The following PSD4 variants were observed in gnomAD, a reference collection of about 807,000 sequenced individuals.
PSD4 encodes pleckstrin and Sec7 domain containing 4, also known as PH and SEC7 domain-containing protein 4.
In PSD4, 59 loss-of-function variants were observed where a neutral mutation model predicts 112.5. The observed-to-expected ratio is 0.52, with a 90% CI of 0.43 to 0.65. PSD4 has a LOEUF of 0.65. Ranked by LOEUF, PSD4 falls within the 30% of genes least tolerant of loss-of-function variation. PSD4 has a pLI of 0.00. For missense variants in PSD4, 1,267 were observed against 1,352.6 expected (o/e 0.94, Z 0.99); for synonymous variants, 533 against 540.0 (o/e 0.99, Z 0.18).
rs886607431 is a variant in PSD4 at position 113,178,750 on chromosome 2, C to T, written c.-111-3596C>T. Among the ~76,000 whole-genome samples the T allele has an allele frequency of 4.6e-5, 7 of 152,068 alleles. No homozygotes were observed. The East Asian group carries it at 1.3e-3, about 29-fold the overall frequency. ...GGGTTGGCGTTATCCTGGCAAAATG[C>T]TCTGGGGCTCATAGGGCCATGAGGC... is the stretch of plus-strand genomic sequence containing the variant. On this transcript the variant is annotated intron_variant, in intron 1 of 16. Coordinates refer to ENST00000245796, the MANE Select transcript of PSD4 (RefSeq NM_012455.3).
rs1688884025 is a variant in PSD4 at position 113,207,763 on chromosome 2, C to A, written c.*6348C>A. On this transcript the variant is annotated 3_prime_UTR_variant, in exon 17 of 17. Transcript: ENST00000245796. ...TAAGCCACCACGCCCCGGCCCTCTT[C>A]ATTTCTTTTTGCCTCTCTGCTTCCA... 1 of 151,878 alleles carries A rather than the reference C, an allele frequency of 6.6e-6. No individual in the cohort carries two copies. The highest frequency in any genetic ancestry group is 1.5e-5 in the Non-Finnish European group (1 of 68,004). 9.4% of individuals were successfully genotyped at this position (151,878 alleles called of 1,614,324 possible). A position where few individuals can be genotyped will look rare whatever the true frequency, so the allele number is the denominator to read the frequency against.
rs80062373 is a variant in PSD4, at chr2:113,181,862, C to T, written c.-111-484C>T. 2.6e-5 allele frequency among the ~76,000 whole-genome samples: 4 copies of T among 152,320 alleles called. No individual in the cohort carries two copies. The East Asian group carries it at 7.7e-4, about 29-fold the overall frequency. Reference sequence around the variant, plus strand: ...GTAAGGCAGGCTGTGGCCTTCATGTCGTGGGTGCCTGCTTCTTCCATGAGT... The same window carrying T: ...GTAAGGCAGGCTGTGGCCTTCATGTTGTGGGTGCCTGCTTCTTCCATGAGT... On this transcript the variant is annotated intron_variant, in intron 1 of 16. Coordinates refer to ENST00000245796, the MANE Select transcript of PSD4 (RefSeq NM_012455.3).
chr2:113,177,679 C>A (rs11691876), intron 1 of PSD4, among the ~76,000 whole-genome samples: 32,609 of 146,902 alleles, frequency 0.22, 3,840 homozygotes, highest in East Asian at 0.54. Context: ...CTAAAGTATG[C>A]CCCCAGACCT....
At chr2:113,178,226 T>A (rs1327049263) in intron 1 of PSD4, among the ~76,000 whole-genome samples, 2 of 151,680 alleles carry the variant, frequency 1.3e-5, no homozygotes, top group African/African-American at 2.4e-5. Context: ...TAAAAAAAAA[T>A]GTCGCAGCCA....
rs45574835 is a variant in PSD4, at chr2:113,193,310, A to G, written c.1972A>G (p.Ile658Val). The G allele has an allele frequency of 1.3e-3, 2,133 of 1,598,006 alleles. 28 individuals carry two copies. In the African/African-American group the frequency reaches 0.026, roughly 19 times the overall value. The change falls in exon 8 of 17, where the codon ATC becomes GTC. Residue 658 changes from isoleucine (I) to valine (V), a missense_variant. Physicochemically the swap from Ile to Val is conservative, Grantham distance 29. Transcript: ENST00000245796. ...LSGETQERERILYQFSRRFHH... is the reference protein window; with the variant it reads ...LSGETQERERVLYQFSRRFHH... ...TGGGGAGACTCAGGAACGGGAGCGAATCCTCTACCAGTTCTCCAGACGCTT... is the reference window on the plus strand; with the variant it reads ...TGGGGAGACTCAGGAACGGGAGCGAGTCCTCTACCAGTTCTCCAGACGCTT...
At chr2:113,176,446 G>T (rs1360053727) in intron 1 of PSD4, among the ~76,000 whole-genome samples, 4 of 152,184 alleles carry the variant, frequency 2.6e-5, no homozygotes, top group Admixed American at 6.5e-5. Context: ...CCGTGGTGAA[G>T]ATTCTCTGAA....
rs779091987 is a variant in PSD4, at chr2:113,196,124, C to T, written c.2226-23C>T. ...GTTCTCTTTGCATAGTCAGCACTTC[C>T]AGCCCGATTCTCTGATGTTCAGGGA... On this transcript the variant is annotated intron_variant, in intron 11 of 16. Coordinates refer to ENST00000245796, the MANE Select transcript of PSD4 (RefSeq NM_012455.3). 5 of 1,598,940 alleles carry T rather than the reference C, an allele frequency of 3.1e-6. No individual in the cohort carries two copies. The South Asian group carries it at 5.5e-5, about 18-fold the overall frequency.
chr2:113,196,493 G>C, intron 12 of PSD4, 186 bp downstream of exon 12: 1 of 718,346 alleles, frequency 1.4e-6, no homozygotes, highest in Non-Finnish European at 2.2e-6. Context: ...GGCACTAGAG[G>C]GTAGGTAGGA....
intron 16 of PSD4, among the ~76,000 whole-genome samples, chr2:113,200,637 ATGGG>A (rs1688749246): frequency 2.0e-5 from 3 of 152,162 alleles, no homozygotes; most frequent in African/African-American, 7.2e-5. Flanking sequence ...TGAGGATCCA[ATGGG>A]ATGGAGGGTG....
intron 14 of PSD4, 116 bp from the exon 15 acceptor site, chr2:113,198,624 G>T: frequency 9.5e-6 from 12 of 1,260,300 alleles, no homozygotes; most frequent in Admixed American, 2.7e-5. Flanking sequence ...CTGTAACTAT[G>T]GGAGGCTGAG....
At chr2:113,191,226 TG>T (rs1382594694) in intron 5 of PSD4, among the ~76,000 whole-genome samples, 1 of 152,168 alleles carries the variant, frequency 6.6e-6, no homozygotes, top group Non-Finnish European at 1.5e-5. Context: ...TGTTAGATAG[TG>T]AGGGTGTTTA....
chr2:113,196,447 G>A (rs1329804973), intron 12 of PSD4, 140 bp downstream of exon 12: 20 of 1,088,078 alleles, frequency 1.8e-5, no homozygotes, highest in South Asian at 4.8e-5. Context: ...TCCTCAGTGC[G>A]TACTGAACAG....
rs376628784 is a variant in PSD4, at chr2:113,188,444, A to G, written c.1628+2189A>G. Among the ~76,000 whole-genome samples the G allele has an allele frequency of 2.6e-5, 4 of 151,816 alleles. No individual in the cohort carries two copies. The South Asian group carries it at 8.3e-4, about 32-fold the overall frequency. On this transcript the variant is annotated intron_variant, in intron 5 of 16. Coordinates refer to ENST00000245796, the MANE Select transcript of PSD4 (RefSeq NM_012455.3). ...CTTTTAGTAGAGAGGGGGCTTCACCATGTTGTCCAGGCTGGTCTCGAACTC... is the reference window on the plus strand; with the variant it reads ...CTTTTAGTAGAGAGGGGGCTTCACCGTGTTGTCCAGGCTGGTCTCGAACTC...
At chr2:113,181,668 G>T (rs544885489) in intron 1 of PSD4, among the ~76,000 whole-genome samples, 54 of 152,338 alleles carry the variant, frequency 3.5e-4, no homozygotes, top group South Asian at 3.3e-3. Flanking sequence ...CAGGGCTGAA[G>T]CATCCTCCCT....
intron 10 of PSD4, among the ~76,000 whole-genome samples, 168 bp from the exon 11 acceptor site, chr2:113,195,537 ATGGATGGATGGATGGATGGATG>A (rs1558653924): frequency 3.9e-5 from 2 of 50,988 alleles, no homozygotes; most frequent in Non-Finnish European, 1.2e-4. Flanking sequence ...TGTTGCACGG[ATGGATGGATGGATGGATGGATG>A]GATGGATGGA....
rs1688776998 is a variant in PSD4 at position 113,201,425 on chromosome 2, C to G, written c.*10C>G. On this transcript the variant is annotated 3_prime_UTR_variant, in exon 17 of 17. Coordinates refer to ENST00000245796, the MANE Select transcript of PSD4 (RefSeq NM_012455.3). ...CCGCAATCAGCTGTGAAGCCAGCAC[C>G]ACCTCAGAGACACTGTTCCCTGCTC... 1 of 1,612,844 alleles carries G rather than the reference C, an allele frequency of 6.2e-7. No individual in the cohort carries two copies. The highest frequency in any genetic ancestry group is 2.2e-5 in the East Asian group (1 of 44,886).
At chr2:113,196,491 AGGG>A (rs1288442438) in intron 12 of PSD4, 184 bp downstream of exon 12, 6 of 722,996 alleles carry the variant, frequency 8.3e-6, no homozygotes, top group Non-Finnish European at 1.3e-5. Context: ...GAGGCACTAG[AGGG>A]TAGGTAGGAG....
intron 8 of PSD4, 61 bp downstream of exon 8, chr2:113,193,431 G>A (rs888744630): frequency 1.3e-6 from 2 of 1,543,958 alleles, no homozygotes; most frequent in African/African-American, 2.7e-5. Flanking sequence ...ATGTCTGCTT[G>A]GGAGTTCAGT....
Position 113,184,905 on chromosome 2 carries a change from T to G in PSD4, c.1057-52T>G, listed in dbSNP as rs1015662670. ...AGAAAGGCCCTGGGAGCAATTTTCCTCTAGTCACCTCTCCTCTCCTTCTCT... is the reference window on the plus strand; with the variant it reads ...AGAAAGGCCCTGGGAGCAATTTTCCGCTAGTCACCTCTCCTCTCCTTCTCT... On this transcript the variant is annotated intron_variant, in intron 2 of 16. Coordinates refer to ENST00000245796, the MANE Select transcript of PSD4 (RefSeq NM_012455.3). 11 of 1,607,256 alleles carry G rather than the reference T, an allele frequency of 6.8e-6. No individual in the cohort carries two copies. The African/African-American group carries it at 1.5e-4, about 21-fold the overall frequency.
Sources: gnomAD v4.1 joint callset for allele counts (sites outside exome capture counted in the v4.1 genomes callset) on GRCh38, gnomAD v4.1.1 for gene constraint, MANE v1.5 for transcripts, NCBI Gene and HGNC (gene_info 2026-07-23, HGNC 2026-07-21) for gene names.